CORIN: variants seen among roughly 807,000 people sequenced by gnomAD.
CORIN encodes atrial natriuretic peptide-converting enzyme.
Under a neutral mutation model 125.3 loss-of-function variants are expected in CORIN, and 117 were observed. That is an observed-to-expected ratio of 0.93 (90% CI 0.80 to 1.09). CORIN has a LOEUF of 1.09. Among genes scored for constraint, CORIN ranks in the 50% least tolerant of loss-of-function variants. The probability of loss-of-function intolerance (pLI) is 0.00; values close to 1 mark genes in which losing one functional copy is unlikely to be tolerated. For missense variants in CORIN, 1,253 were observed against 1,306.7 expected (o/e 0.96, Z 0.63); for synonymous variants, 450 against 466.4 (o/e 0.96, Z 0.45).
At position 47,744,476 on chromosome 4, in the gene CORIN, T is replaced by A; in HGVS notation, c.725A>T (p.Gln242Leu). ...GCTGCTTTCAGTTTGGTTTCTAAAC[T>A]GGGAGCATCTGAGGAAATCCGGCCA... Reference protein sequence around the residue: ...YSWPDFLRCSQFRNQTESSNV... With the variant: ...YSWPDFLRCSLFRNQTESSNV... Residue 242 changes from glutamine to leucine, a missense_variant, in exon 5 of 22, where the codon CAG becomes CTG. Coordinates refer to ENST00000273857, the MANE Select transcript of CORIN (RefSeq NM_006587.4). 2 of 1,614,048 alleles carry A rather than the reference T, an allele frequency of 1.2e-6. No individual in the cohort carries two copies. Among genetic ancestry groups the A allele is most frequent in the Non-Finnish European group, 1.7e-6 (2 of 1,179,998 alleles).
chr4:47,662,171 CAT>C (rs1724280543), intron 11 of CORIN, among the ~76,000 whole-genome samples: 1 of 152,214 alleles, frequency 6.6e-6, no homozygotes. Flanking sequence ...TTGAAGGAGA[CAT>C]ATTCTCCAAC....
At chr4:47,721,094 A>C (rs980541614) in intron 5 of CORIN, among the ~76,000 whole-genome samples, 1 of 152,156 alleles carries the variant, frequency 6.6e-6, no homozygotes, top group African/African-American at 2.4e-5. Context: ...ATCAGGGTGC[A>C]CAGTGGCATT....
intron 12 of CORIN, chr4:47,661,503 CTTT>C: frequency 1.6e-5 from 8 of 503,296 alleles, no homozygotes; most frequent in Non-Finnish European, 2.8e-5. Context: ...AAAATGACTT[CTTT>C]ATTTTTAAAA....
chr4:47,603,204 C>T (rs551578956), intron 20 of CORIN, among the ~76,000 whole-genome samples, 193 bp downstream of exon 20: 4 of 152,128 alleles, frequency 2.6e-5, no homozygotes, highest in Non-Finnish European at 4.4e-5. Context: ...CCCCCTTTTG[C>T]TCAGTACTTC....
intron 17 of CORIN, 79 bp from the exon 18 acceptor site, chr4:47,624,027 C>T (rs1722452765): frequency 8.5e-7 from 1 of 1,173,820 alleles, no homozygotes; most frequent in Non-Finnish European, 1.3e-6. Context: ...CAGTGAAATA[C>T]AAGACAGCTC....
intron 4 of CORIN, among the ~76,000 whole-genome samples, chr4:47,755,163 A>G (rs996896220): frequency 5.9e-5 from 9 of 152,148 alleles, no homozygotes; most frequent in Admixed American, 5.2e-4. Flanking sequence ...CAAACTCACC[A>G]TTTCCTGAGA....
At chr4:47,617,629 T>C (rs1451923569) in intron 19 of CORIN, among the ~76,000 whole-genome samples, 1 of 152,228 alleles carries the variant, frequency 6.6e-6, no homozygotes, top group Non-Finnish European at 1.5e-5. Context: ...ATGGGAGGTA[T>C]GGAGCTAAAA....
At chr4:47,833,521 C>CAAAAAAAAAAAA (rs75657429) in intron 1 of CORIN, among the ~76,000 whole-genome samples, 3 of 115,022 alleles carry the variant, frequency 2.6e-5, no homozygotes, top group East Asian at 2.9e-4. Context: ...AAAGCATAGG[C>CAAAAAAAAAAAA]AAAAAAAAAA....
intron 2 of CORIN, among the ~76,000 whole-genome samples, chr4:47,801,737 C>T (rs1198738145): frequency 6.6e-6 from 1 of 152,190 alleles, no homozygotes; most frequent in African/African-American, 2.4e-5. Flanking sequence ...TTGCCCATCC[C>T]AGTGGTGAGA....
intron 21 of CORIN, among the ~76,000 whole-genome samples, chr4:47,599,490 T>C (rs1168067620): frequency 6.6e-6 from 1 of 152,004 alleles, no homozygotes; most frequent in Non-Finnish European, 1.5e-5. Context: ...ATAACTGTCT[T>C]CCCCAGTTTT....
rs554645342 is a variant in CORIN, at chr4:47,732,853, G to A, written c.799+11549C>T. Among the ~76,000 whole-genome samples, 21 of 152,094 alleles carry A rather than the reference G, an allele frequency of 1.4e-4. No homozygotes were observed. In the East Asian group the frequency reaches 2.5e-3, roughly 18 times the overall value. On this transcript the variant is annotated intron_variant, in intron 5 of 21. Coordinates refer to ENST00000273857, the MANE Select transcript of CORIN (RefSeq NM_006587.4). The stretch of plus-strand genomic sequence containing the variant: ...GCTGGGATTACAGGTGTGAGCCACC[G>A]CGCCTGGCCAGTAATCTACTCTTTA...
At chr4:47,674,307 C>T in intron 10 of CORIN, 86 bp downstream of exon 10, 1 of 956,952 alleles carries the variant, frequency 1.0e-6, no homozygotes, top group Non-Finnish European at 1.7e-6. Context: ...GGATTCCAGA[C>T]TTCAGTATTT....
At chr4:47,621,936 T>C (rs111520998) in intron 19 of CORIN, among the ~76,000 whole-genome samples, 8,275 of 149,082 alleles carry the variant, frequency 0.056, 300 homozygotes, top group Non-Finnish European at 0.085. Flanking sequence ...GCCATGCTGG[T>C]GCACTGCACC....
intron 16 of CORIN, 57 bp downstream of exon 16, chr4:47,641,863 C>T: frequency 1.3e-6 from 2 of 1,585,006 alleles, no homozygotes; most frequent in African/African-American, 1.3e-5. Flanking sequence ...GATATTACTG[C>T]CAAGTTCCAC....
At chr4:47,696,658 G>T (rs1166602539) in intron 5 of CORIN, among the ~76,000 whole-genome samples, 2 of 152,130 alleles carry the variant, frequency 1.3e-5, no homozygotes, top group African/African-American at 2.4e-5. Context: ...AGATGATGGG[G>T]ACAATTATGG....
intron 10 of CORIN, among the ~76,000 whole-genome samples, chr4:47,673,180 AAATAAATAAAT>A (rs1724845315): frequency 1.1e-4 from 1 of 9,344 alleles, no homozygotes; most frequent in African/African-American, 1.1e-3. Context: ...CTTTACCAAA[AAATAAATAAAT>A]AAATAAATAA....
chr4:47,784,769 T>C lies in CORIN; in HGVS notation c.409+1956A>G, dbSNP rs114551169. ...AAATAAAACCTCACAATTAAACCCA[T>C]GAGGAAAATAAATTTAACTTGGCAT... On this transcript the variant is annotated intron_variant, in intron 3 of 21. Coordinates refer to ENST00000273857, the MANE Select transcript of CORIN (RefSeq NM_006587.4). 1.5e-3 allele frequency among the ~76,000 whole-genome samples: 230 copies of C among 152,306 alleles called. 1 individual carries two copies. Among genetic ancestry groups the C allele is most frequent in the African/African-American group, 5.4e-3 (223 of 41,588 alleles).
intron 19 of CORIN, among the ~76,000 whole-genome samples, chr4:47,618,444 G>A (rs1722162880): frequency 6.6e-6 from 1 of 152,164 alleles, no homozygotes; most frequent in South Asian, 2.1e-4. Context: ...GAAAAATCTA[G>A]GGAGGAAGAA....
At chr4:47,661,551 T>G in intron 12 of CORIN, 160 bp downstream of exon 12, 1 of 588,266 alleles carries the variant, frequency 1.7e-6, no homozygotes, top group Non-Finnish European at 2.9e-6. Context: ...TGCCAAATTC[T>G]TCAATGCAAT....
Sources: gnomAD v4.1 joint callset for allele counts (sites outside exome capture counted in the v4.1 genomes callset) on GRCh38, gnomAD v4.1.1 for gene constraint, MANE v1.5 for transcripts, NCBI Gene and HGNC (gene_info 2026-07-23, HGNC 2026-07-21) for gene names.